TSKU: variants seen among roughly 807,000 people sequenced by gnomAD.
TSKU encodes tsukushi.
In TSKU, 4 loss-of-function variants were observed where a neutral mutation model predicts 11.2. The observed-to-expected ratio is 0.36, with a 90% CI of 0.18 to 0.82. TSKU has a LOEUF of 0.82. Among genes scored for constraint, TSKU ranks in the 40% least tolerant of loss-of-function variants. The pLI is 0.50. For synonymous variants in TSKU, 220 were observed against 232.2 expected (o/e 0.95, Z 0.48); for missense variants, 407 against 482.5 (o/e 0.84, Z 1.47).
chr11:76,787,768 C>G (rs916003159), intron 1 of TSKU, among the ~76,000 whole-genome samples: 2 of 152,218 alleles, frequency 1.3e-5, no homozygotes, highest in African/African-American at 4.8e-5. Flanking sequence ...AAGTACAGTT[C>G]AGCATGACCA....
intron 1 of TSKU, chr11:76,792,218 C>G (rs201982805): frequency 1.3e-5 from 2 of 152,374 alleles, no homozygotes; most frequent in East Asian, 3.9e-4. Flanking sequence ...TTTGAACTTG[C>G]CTGGGGCCTG....
chr11:76,794,202 A>C (rs1411363613), intron 1 of TSKU, among the ~76,000 whole-genome samples: 1 of 152,152 alleles, frequency 6.6e-6, no homozygotes, highest in African/African-American at 2.4e-5. Flanking sequence ...CCACTGCCCA[A>C]CCCTCTCCTT....
At position 76,796,579 on chromosome 11, in the gene TSKU, G is replaced by A; in HGVS notation, c.963G>A (p.Arg321=). ...GQDVRCRRLV[R]EGTYPRRPGS... The stretch of plus-strand genomic sequence containing the variant: ...ATGTGCGGTGCCGGCGCCTGGTGCG[G>A]GAGGGCACCTACCCCCGGAGGCCTG... Residue 321 remains arginine, a synonymous_variant, in exon 2 of 2, where the codon CGG becomes CGA. Coordinates refer to ENST00000333090, the MANE Select transcript of TSKU (RefSeq NM_015516.4). The surrounding 1 kb of genome is among the most constrained non-coding windows in gnomAD (Gnocchi z 4.1). 1 of 1,559,880 alleles carries A rather than the reference G, an allele frequency of 6.4e-7. No homozygotes were observed. The highest frequency in any genetic ancestry group is 8.7e-7 in the Non-Finnish European group (1 of 1,151,746).
chr11:76,785,648 G>T (rs1944304354), intron 1 of TSKU, among the ~76,000 whole-genome samples: 1 of 152,204 alleles, frequency 6.6e-6, no homozygotes, highest in African/African-American at 2.4e-5. Context: ...GGGAAGGCAG[G>T]GACCAAATCA....
rs1289348316 is a variant in TSKU, at chr11:76,796,754, T to C, written c.*76T>C. Reference sequence around the variant, plus strand: ...CAGGTCCCGAGTAACTTATGTTCAATGTGCCAACACCAGTGGGGAGCCCGC... The same window carrying C: ...CAGGTCCCGAGTAACTTATGTTCAACGTGCCAACACCAGTGGGGAGCCCGC... On this transcript the variant is annotated 3_prime_UTR_variant, in exon 2 of 2. Coordinates refer to ENST00000333090, the MANE Select transcript of TSKU (RefSeq NM_015516.4). The surrounding 1 kb of genome is among the most constrained non-coding windows in gnomAD (Gnocchi z 4.1). 2 of 1,201,738 alleles carry C rather than the reference T, an allele frequency of 1.7e-6. No individual in the cohort carries two copies. Among genetic ancestry groups the C allele is most frequent in the Non-Finnish European group, 2.2e-6 (2 of 893,690 alleles). 74.4% of individuals were successfully genotyped at this position (1,201,738 alleles called of 1,614,324 possible). A position where few individuals can be genotyped will look rare whatever the true frequency, so the allele number is the denominator to read the frequency against.
chr11:76,787,915 C>A (rs1035653828), intron 1 of TSKU, among the ~76,000 whole-genome samples: 2 of 152,122 alleles, frequency 1.3e-5, no homozygotes, highest in African/African-American at 2.4e-5. Context: ...GGACAGTATC[C>A]CCAGGGTCAA....
intron 1 of TSKU, among the ~76,000 whole-genome samples, chr11:76,789,015 G>C (rs1461087767): frequency 6.6e-6 from 1 of 152,204 alleles, no homozygotes; most frequent in African/African-American, 2.4e-5. Flanking sequence ...GCCAGGGGCA[G>C]GCGGGATGGA....
chr11:76,796,207 T>G lies in TSKU; in HGVS notation c.591T>G (p.His197Gln). 1 of 1,613,616 alleles carries G rather than the reference T, an allele frequency of 6.2e-7. No homozygotes were observed. Among genetic ancestry groups the G allele is most frequent in the Non-Finnish European group, 8.5e-7 (1 of 1,179,990 alleles). The change falls in exon 2 of 2, where the codon CAT (histidine) becomes CAG (glutamine). Residue 197 changes from histidine to glutamine, a missense_variant. By Grantham distance (24) the His-to-Gln change is conservative. Transcript: ENST00000333090. The surrounding 1 kb of genome is among the most constrained non-coding windows in gnomAD (Gnocchi z 4.1). ...TGAACCTGGCCTGGAACCGGCTCCA[T>G]GCCGTGCCCAACCTCCGAGACTTGC... is the stretch of plus-strand genomic sequence containing the variant. ...QSLNLAWNRL[H>Q]AVPNLRDLPL... is the part of the protein sequence containing the mutation.
At chr11:76,794,172 A>G (rs935131638) in intron 1 of TSKU, among the ~76,000 whole-genome samples, 7 of 152,280 alleles carry the variant, frequency 4.6e-5, no homozygotes, top group African/African-American at 1.7e-4. Context: ...AGACTATCCA[A>G]TTGGTCTAGT....
chr11:76,788,224 C>T (rs956034102), intron 1 of TSKU, among the ~76,000 whole-genome samples: 1 of 151,860 alleles, frequency 6.6e-6, no homozygotes, highest in Non-Finnish European at 1.5e-5. Flanking sequence ...AGACAAAGGC[C>T]GGTCTCGGGG....
intron 1 of TSKU, among the ~76,000 whole-genome samples, chr11:76,790,004 AC>A (rs1371522293): frequency 6.6e-6 from 1 of 150,626 alleles, no homozygotes; most frequent in Non-Finnish European, 1.5e-5. Flanking sequence ...GAGGACAGGG[AC>A]CCTAGTATCT....
At chr11:76,782,616 G>A (rs924765762), upstream of TSKU, 2 of 151,680 alleles carry the variant, frequency 1.3e-5, no homozygotes, top group African/African-American at 4.9e-5. Context: ...GCTACAGCAG[G>A]GGGAATAGAC....
At chr11:76,785,754 G>T (rs998294617) in intron 1 of TSKU, among the ~76,000 whole-genome samples, 2 of 152,102 alleles carry the variant, frequency 1.3e-5, no homozygotes, top group African/African-American at 4.8e-5. Context: ...GGGTGCGGTT[G>T]GTAATTCTAT....
At chr11:76,792,947 G>A (rs1034445222) in intron 1 of TSKU, among the ~76,000 whole-genome samples, 4 of 152,220 alleles carry the variant, frequency 2.6e-5, no homozygotes, top group Admixed American at 1.3e-4. Context: ...CTCTAAAATG[G>A]GGATGAGACT....
chr11:76,784,752 G>T (rs565138555), intron 1 of TSKU, among the ~76,000 whole-genome samples: 6 of 145,162 alleles, frequency 4.1e-5, no homozygotes, highest in East Asian at 2.0e-4. Flanking sequence ...GAGGTGGGGG[G>T]GGGGGGGTGC....
chr11:76,796,787 T>TC lies in TSKU; in HGVS notation c.*109_*110insC. 2.4e-6 allele frequency: 2 copies of TC among 820,550 alleles called. No individual in the cohort carries two copies. The highest frequency in any genetic ancestry group is 3.5e-6 in the Non-Finnish European group (2 of 577,490). 50.8% of individuals were successfully genotyped at this position (820,550 alleles called of 1,614,324 possible). A position where few individuals can be genotyped will look rare whatever the true frequency, so the allele number is the denominator to read the frequency against. On this transcript the variant is annotated 3_prime_UTR_variant, in exon 2 of 2. Coordinates refer to ENST00000333090, the MANE Select transcript of TSKU (RefSeq NM_015516.4). The surrounding 1 kb of genome is among the most constrained non-coding windows in gnomAD (Gnocchi z 4.1). The stretch of plus-strand genomic sequence containing the variant: ...CACCAGTGGGGAGCCCGCAGGCCTA[T>TC]GTGGCAGCGTCACCACAGGAGTTGT...
At chr11:76,789,894 C>T (rs1944348847) in intron 1 of TSKU, among the ~76,000 whole-genome samples, 1 of 152,080 alleles carries the variant, frequency 6.6e-6, no homozygotes, top group Non-Finnish European at 1.5e-5. Flanking sequence ...GATAGTGGCA[C>T]ACCTGGGACT....
rs1220087906 is a variant in TSKU at position 76,796,051 on chromosome 11, G to A, written c.435G>A (p.Glu145=). 2 of 1,613,840 alleles carry A rather than the reference G, an allele frequency of 1.2e-6. No homozygotes were observed. Among genetic ancestry groups the A allele is most frequent in the Non-Finnish European group, 1.7e-6 (2 of 1,180,002 alleles). ...ACCTTAGCCACAACCAGCTCCGGGA[G>A]GTCTCAGTGTCTGCCTTCACGACGC... ...DVNLSHNQLR[E]VSVSAFTTHS... Residue 145 remains glutamate (E), a synonymous_variant, in exon 2 of 2, where the codon GAG becomes GAA. Coordinates refer to ENST00000333090, the MANE Select transcript of TSKU (RefSeq NM_015516.4). The surrounding 1 kb of genome is among the most constrained non-coding windows in gnomAD (Gnocchi z 4.1).
upstream of TSKU, chr11:76,782,508 C>G (rs1200813216): frequency 6.6e-6 from 1 of 151,856 alleles, no homozygotes. Flanking sequence ...ATGCGTCCAC[C>G]AGGTCATTTC....
Sources: allele counts gnomAD v4.1 joint callset (sites outside exome capture counted in the v4.1 genomes callset), GRCh38; gene constraint gnomAD v4.1.1; non-coding constraint Gnocchi (gnomAD v3.1); transcripts MANE v1.5; gene names NCBI Gene and HGNC (gene_info 2026-07-23, HGNC 2026-07-21).